The following WASL variants were observed in gnomAD, a reference collection of about 807,000 sequenced individuals.
WASL encodes the protein actin nucleation-promoting factor WASL.
Under a neutral mutation model 55.5 loss-of-function variants are expected in WASL, and 20 were observed. That is an observed-to-expected ratio of 0.36 (90% confidence interval 0.25 to 0.52). The LOEUF is 0.52. Among genes scored for constraint, WASL ranks in the 20% least tolerant of loss-of-function variants. The probability of loss-of-function intolerance (pLI) is 0.92; values close to 1 mark genes in which losing one functional copy is unlikely to be tolerated. For missense variants in WASL, 504 were observed against 622.5 expected, an observed-to-expected ratio of 0.81 and a Z score of 2.03; for synonymous variants, 249 against 217.6, an observed-to-expected ratio of 1.14 and a Z score of -1.27.
chr7:123,692,674 A>G lies in WASL; in HGVS notation c.1020T>C (p.Asn340=). The change falls in exon 9 of 11, where the codon AAT becomes AAC. Residue 340 remains asparagine (N), a synonymous_variant. Coordinates refer to ENST00000223023, the MANE Select transcript of WASL (RefSeq NM_003941.4). The stretch of plus-strand genomic sequence containing the variant: ...CTGGAGGTGGAGGAGGGTACATCCT[A>G]TTTGGCGGTGGTGGAGGGACTGCTA... The part of the protein sequence containing the change: ...PSVAVPPPPP[N]RMYPPPPPAL... 2 of 1,542,970 alleles carry G rather than the reference A, an allele frequency of 1.3e-6. No individual in the cohort carries two copies. The highest frequency in any genetic ancestry group is 1.7e-6 in the Non-Finnish European group (2 of 1,148,844).
At chr7:123,745,505 A>G (rs1804416603) in intron 1 of WASL, among the ~76,000 whole-genome samples, 1 of 152,186 alleles carries the variant, frequency 6.6e-6, no homozygotes, top group African/African-American at 2.4e-5. Flanking sequence ...TTCAATTTGC[A>G]AAATATAGAC....
At chr7:123,745,773 A>G (rs911800405) in intron 1 of WASL, among the ~76,000 whole-genome samples, 25 of 152,172 alleles carry the variant, frequency 1.6e-4, no homozygotes, top group Non-Finnish European at 4.4e-5. Flanking sequence ...GAGCCCAAGC[A>G]GAAGCCCTCC....
At chr7:123,735,479 T>G (rs966250140) in intron 1 of WASL, among the ~76,000 whole-genome samples, 2 of 151,828 alleles carry the variant, frequency 1.3e-5, no homozygotes, top group African/African-American at 2.4e-5. Context: ...AGTTGTTATA[T>G]CTGTAGTCCA....
intron 8 of WASL, among the ~76,000 whole-genome samples, chr7:123,694,461 T>C (rs1446727501): frequency 2.0e-5 from 3 of 152,190 alleles, no homozygotes; most frequent in African/African-American, 7.2e-5. Context: ...ACTATAAGTT[T>C]TTACTTTAAA....
At chr7:123,708,939 G>A in intron 2 of WASL, 150 bp downstream of exon 2, 3 of 664,426 alleles carry the variant, frequency 4.5e-6, no homozygotes, top group Non-Finnish European at 4.5e-6. Flanking sequence ...ATTTCCGTAT[G>A]CAATATCTAA....
intron 1 of WASL, among the ~76,000 whole-genome samples, chr7:123,733,845 A>C (rs1010511184): frequency 1.3e-5 from 2 of 151,722 alleles, no homozygotes; most frequent in Admixed American, 6.6e-5. Context: ...CAAAGGAGCA[A>C]AGGCAATCCA....
intron 1 of WASL, among the ~76,000 whole-genome samples, chr7:123,743,069 G>C: frequency 6.6e-6 from 1 of 152,172 alleles, no homozygotes; most frequent in Admixed American, 6.5e-5. Context: ...AGGCACAGTG[G>C]CTCACACCTG....
intron 1 of WASL, among the ~76,000 whole-genome samples, chr7:123,719,210 G>A (rs1316815911): frequency 6.6e-6 from 1 of 152,098 alleles, no homozygotes; most frequent in Non-Finnish European, 1.5e-5. Context: ...CAAAATATTG[G>A]GAAAATAATG....
intron 10 of WASL, 32 bp from the exon 11 acceptor site, chr7:123,684,612 G>T: frequency 6.7e-7 from 1 of 1,487,532 alleles, no homozygotes; most frequent in Non-Finnish European, 9.0e-7. Flanking sequence ...TAAAACATAT[G>T]CATAAATAAA....
intron 1 of WASL, among the ~76,000 whole-genome samples, chr7:123,741,099 C>A (rs146218428): frequency 6.6e-6 from 1 of 152,144 alleles, no homozygotes; most frequent in Non-Finnish European, 1.5e-5. Context: ...TATGAGTGCA[C>A]CCTGCGATGG....
intron 1 of WASL, among the ~76,000 whole-genome samples, chr7:123,743,658 TATTC>T (rs1275064241): frequency 6.6e-6 from 1 of 152,212 alleles, no homozygotes; most frequent in African/African-American, 2.4e-5. Context: ...CACTGAATAG[TATTC>T]ATAACAACTT....
At chr7:123,748,557 C>T in intron 1 of WASL, 61 bp downstream of exon 1, 1 of 1,568,140 alleles carries the variant, frequency 6.4e-7, no homozygotes. Flanking sequence ...CACTTCCCGG[C>T]CCCCAAGCCC....
chr7:123,706,235 ATTAGTTTGC>A, intron 4 of WASL, 33 bp downstream of exon 4: 1 of 1,564,934 alleles, frequency 6.4e-7, no homozygotes, highest in Non-Finnish European at 8.8e-7. Context: ...CCCCATGAGC[ATTAGTTTGC>A]TGGCCTGATT....
At chr7:123,707,078 C>T (rs1803684121) in intron 2 of WASL, among the ~76,000 whole-genome samples, 1 of 152,094 alleles carries the variant, frequency 6.6e-6, no homozygotes, top group Non-Finnish European at 1.5e-5. Context: ...AAGATATAAT[C>T]TCACTAGCCA....
At chr7:123,717,546 C>T (rs1219484505) in intron 1 of WASL, among the ~76,000 whole-genome samples, 1 of 152,198 alleles carries the variant, frequency 6.6e-6, no homozygotes, top group Non-Finnish European at 1.5e-5. Flanking sequence ...ATGAGTGTTG[C>T]CCAGCTCCTG....
At chr7:123,722,054 C>T (rs1803958080) in intron 1 of WASL, among the ~76,000 whole-genome samples, 1 of 152,076 alleles carries the variant, frequency 6.6e-6, no homozygotes. Context: ...CTGGACTCAT[C>T]TTGCTTTTGC....
At chr7:123,697,505 T>C (rs1272248502) in intron 5 of WASL, among the ~76,000 whole-genome samples, 1 of 152,192 alleles carries the variant, frequency 6.6e-6, no homozygotes, top group Non-Finnish European at 1.5e-5. Context: ...ATGTGGAGCA[T>C]TCAACTGAAA....
chr7:123,694,330 T>TA (rs1280864426), intron 8 of WASL, among the ~76,000 whole-genome samples: 10 of 152,170 alleles, frequency 6.6e-5, no homozygotes, highest in African/African-American at 2.4e-4. Context: ...AAAGTTTACA[T>TA]TATTTATATT....
chr7:123,704,687 TTAAA>T (rs1562959797), intron 4 of WASL, 30 bp from the exon 5 acceptor site: 3 of 1,365,928 alleles, frequency 2.2e-6, no homozygotes, highest in Non-Finnish European at 3.0e-6. Context: ...AAGAATATTA[TTAAA>T]TATATGTAAG....
Sources: gnomAD v4.1 joint callset for allele counts (sites outside exome capture counted in the v4.1 genomes callset) on GRCh38, gnomAD v4.1.1 for gene constraint, MANE v1.5 for transcripts, NCBI Gene and HGNC (gene_info 2026-07-23, HGNC 2026-07-21) for gene names.